Variants in CHCHD2 observed in about 807,000 individuals in gnomAD.
CHCHD2 encodes the protein coiled-coil-helix-coiled-coil-helix domain containing 2, also known as coiled-coil-helix-coiled-coil-helix domain-containing protein 2.
CHCHD2 carries 17 observed loss-of-function variants against 17.5 expected under a neutral mutation model. The ratio of observed to expected loss-of-function variants is 0.97; its 90% CI spans 0.67 to 1.46. The LOEUF (loss-of-function observed/expected upper bound fraction) is 1.46, where lower values mean the gene tolerates loss of function less well. Among genes scored for constraint, CHCHD2 ranks in the 40% most tolerant of loss-of-function variants. CHCHD2 has a pLI of 0.00. For missense variants in CHCHD2, 175 were observed against 199.9 expected (o/e 0.88, Z 0.75); for synonymous variants, 63 against 74.3 (o/e 0.85, Z 0.78).
At chr7:56,101,972 T>G (rs753003110) in intron 3 of CHCHD2, 111 bp from the exon 4 acceptor site, 19 of 1,069,290 alleles carry the variant, frequency 1.8e-5, no homozygotes, top group Non-Finnish European at 2.5e-5. Context: ...ATGGGTTTTT[T>G]GTTTTTTGTT....
intron 1 of CHCHD2, 66 bp downstream of exon 1, chr7:56,106,298 C>G: frequency 6.6e-7 from 1 of 1,516,896 alleles, no homozygotes; most frequent in Non-Finnish European, 9.0e-7. Flanking sequence ...CGGCCTCCCT[C>G]TGCGTCATTG....
At position 56,102,850 on chromosome 7, in the gene CHCHD2, T is replaced by C. The variant is rs371572853; in HGVS notation, c.445+17A>G. On this transcript the variant is annotated intron_variant, in intron 3 of 3. Coordinates refer to ENST00000395422, the MANE Select transcript of CHCHD2 (RefSeq NM_016139.4). ...CCACTGTGAATTAAGCAGATGTAAA[T>C]TGGACAAATTACCTACCGTTTGCAA... 58 of 1,613,752 alleles carry C rather than the reference T, an allele frequency of 3.6e-5. No individual in the cohort carries two copies. Among genetic ancestry groups the C allele is most frequent in the Admixed American group, 1.0e-4 (6 of 60,006 alleles).
intron 1 of CHCHD2, among the ~76,000 whole-genome samples, chr7:56,105,663 T>C (rs996460795): frequency 1.3e-5 from 2 of 152,310 alleles, no homozygotes; most frequent in African/African-American, 4.8e-5. Context: ...AGGTGGCGCA[T>C]GCCTGTAGTC....
intron 3 of CHCHD2, among the ~76,000 whole-genome samples, chr7:56,102,086 G>C (rs1785295003): frequency 6.6e-6 from 1 of 151,834 alleles, no homozygotes; most frequent in East Asian, 1.9e-4. Flanking sequence ...CAGAGTGCTG[G>C]GTTCCAGGAA....
Position 56,103,025 on chromosome 7 carries a change from A to T in CHCHD2, c.301-14T>A. On this transcript the variant is annotated splice_polypyrimidine_tract_variant and intron_variant, in intron 2 of 3. Coordinates refer to ENST00000395422, the MANE Select transcript of CHCHD2 (RefSeq NM_016139.4). ...TCCCTGAGGCTCCTGCAAAGGCAAA[A>T]CATTCAACATTGCTGAGAAAGAAAA... 6.2e-7 allele frequency: 1 copy of T among 1,614,086 alleles called. No individual in the cohort carries two copies. The highest frequency in any genetic ancestry group is 1.1e-5 in the South Asian group (1 of 91,076).
Position 56,102,936 on chromosome 7 carries a change from G to A in CHCHD2, c.376C>T (p.Gln126Ter), listed in dbSNP as rs763704645. ...YEIKQFLECA[Q>*]NQGDIKLCEG... ...CAGAGCTTGATGTCACCCTGGTTCT[G>A]GGCACACTCCAGAAACTGTTTGATC... Residue 126 changes from glutamine to a stop codon, truncating the protein, a stop_gained, in exon 3 of 4, where the codon CAG becomes TAG. Coordinates refer to ENST00000395422, the MANE Select transcript of CHCHD2 (RefSeq NM_016139.4). LOFTEE classifies it high-confidence loss of function. 6.8e-6 allele frequency: 11 copies of A among 1,613,986 alleles called. No homozygotes were observed. Among genetic ancestry groups the A allele is most frequent in the South Asian group, 4.4e-5 (4 of 91,086 alleles).
rs769168155 is a variant in CHCHD2 at position 56,104,394 on chromosome 7, G to A, written c.132C>T (p.Gly44=). 1.2e-6 allele frequency: 2 copies of A among 1,611,574 alleles called. No individual in the cohort carries two copies. Among genetic ancestry groups the A allele is most frequent in the Non-Finnish European group, 1.7e-6 (2 of 1,179,258 alleles). ...PPAAAPPSAV[G]SSAAAPRQPG... is the part of the protein sequence containing the mutation. ...GCTGCCGGGGCGCAGCAGCAGAAGA[G>A]CCAACTGCAGATGGGGGTGCCGCTG... The change falls in exon 2 of 4, where the codon GGC becomes GGT. Residue 44 remains glycine, a synonymous_variant. Transcript: ENST00000395422.
In CHCHD2 at chr7:56,102,975, G is replaced by C; in HGVS notation, c.337C>G (p.Pro113Ala). 6.2e-7 allele frequency: 1 copy of C among 1,613,102 alleles called. No individual in the cohort carries two copies. Among genetic ancestry groups the C allele is most frequent in the Non-Finnish European group, 8.5e-7 (1 of 1,179,108 alleles). ...AACTGTTTGATCTCATAGAGGCAAG[G>C]CTGCTGCTGCTGTGCTGGCTGGGTT... Reference protein sequence around the residue: ...QGTQPAQQQQPCLYEIKQFLE... With the variant: ...QGTQPAQQQQACLYEIKQFLE... Residue 113 changes from proline (P) to alanine (A), a missense_variant, in exon 3 of 4, where the codon CCT (proline) becomes GCT (alanine). Coordinates refer to ENST00000395422, the MANE Select transcript of CHCHD2 (RefSeq NM_016139.4).
intron 2 of CHCHD2, among the ~76,000 whole-genome samples, chr7:56,103,341 G>A (rs775703428): frequency 5.3e-5 from 8 of 152,176 alleles, no homozygotes; most frequent in Non-Finnish European, 1.2e-4. Context: ...TTAGCCAGGC[G>A]TGGTAGCAGG....
intron 2 of CHCHD2, among the ~76,000 whole-genome samples, chr7:56,104,005 G>T (rs569604705): frequency 1.1e-4 from 16 of 152,324 alleles, no homozygotes; most frequent in South Asian, 1.0e-3. Context: ...GTGGACTGTT[G>T]TAAGTCTCCT....
chr7:56,101,983 T>C, intron 3 of CHCHD2, 122 bp from the exon 4 acceptor site: 1 of 975,108 alleles, frequency 1.0e-6, no homozygotes, highest in Non-Finnish European at 1.6e-6. Context: ...GTTTTTTGTT[T>C]TTTTTTGATA....
intron 1 of CHCHD2, among the ~76,000 whole-genome samples, 197 bp from the exon 2 acceptor site, chr7:56,104,672 A>G (rs1164283700): frequency 1.3e-5 from 2 of 151,784 alleles, no homozygotes; most frequent in Non-Finnish European, 2.9e-5. Context: ...CAATGGTGCA[A>G]TCTCAGCTCA....
intron 1 of CHCHD2, 37 bp downstream of exon 1, chr7:56,106,327 G>A (rs1404667727): frequency 1.9e-6 from 3 of 1,603,796 alleles, no homozygotes; most frequent in Admixed American, 3.4e-5. Flanking sequence ...GAGTCCGGAC[G>A]GCCGCGCTTT....
At chr7:56,103,291 C>A (rs764898329) in intron 2 of CHCHD2, among the ~76,000 whole-genome samples, 10 of 152,106 alleles carry the variant, frequency 6.6e-5, no homozygotes, top group Non-Finnish European at 1.0e-4. Flanking sequence ...ACCAGCCTGG[C>A]CAATATGGTG....
At position 56,106,468 on chromosome 7, in the gene CHCHD2, G is replaced by C; in HGVS notation, c.-55C>G. The C allele has an allele frequency of 6.3e-7, 1 of 1,576,376 alleles. No homozygotes were observed. Among genetic ancestry groups the C allele is most frequent in the Non-Finnish European group, 8.7e-7 (1 of 1,146,534 alleles). ...CGTGGGACAACCACCGAAGAGCTAA[G>C]CGACTTCTGAGGAGACCGGAAGATG... On this transcript the variant is annotated 5_prime_UTR_variant, in exon 1 of 4. Transcript: ENST00000395422.
chr7:56,104,562 G>T, intron 1 of CHCHD2, 87 bp from the exon 2 acceptor site: 2 of 1,313,116 alleles, frequency 1.5e-6, no homozygotes, highest in South Asian at 1.6e-5. Context: ...ATATTAAAAT[G>T]GACCTCAAGA....
chr7:56,102,829 T>G (rs763938247), intron 3 of CHCHD2, 38 bp downstream of exon 3: 10 of 1,607,728 alleles, frequency 6.2e-6, no homozygotes, highest in Non-Finnish European at 7.7e-6. Flanking sequence ...GGAATTCCAC[T>G]GTGAATTAAG....
intron 3 of CHCHD2, 115 bp from the exon 4 acceptor site, chr7:56,101,976 T>C: frequency 1.0e-6 from 1 of 994,042 alleles, no homozygotes; most frequent in South Asian, 1.5e-5. Flanking sequence ...GTTTTTTGTT[T>C]TTTGTTTTTT....
At chr7:56,104,140 C>T (rs1584644239) in intron 2 of CHCHD2, 86 bp downstream of exon 2, 2 of 1,547,858 alleles carry the variant, frequency 1.3e-6, no homozygotes, top group East Asian at 2.3e-5. Flanking sequence ...AAATCAAAGA[C>T]AATTCCTACA....
Sources: gnomAD v4.1 joint callset for allele counts (sites outside exome capture counted in the v4.1 genomes callset) on GRCh38, gnomAD v4.1.1 for gene constraint, MANE v1.5 for transcripts, NCBI Gene and HGNC (gene_info 2026-07-23, HGNC 2026-07-21) for gene names.